DCUN1D2: variants seen among roughly 807,000 people sequenced by gnomAD.
DCUN1D2 encodes defective in cullin neddylation 1 domain containing 2.
In DCUN1D2, 29 loss-of-function variants were observed where a neutral mutation model predicts 30.9. That is an observed-to-expected ratio of 0.94 (90% CI 0.70 to 1.28). DCUN1D2 has a LOEUF of 1.28. DCUN1D2 is among the 50% of genes most tolerant of loss of function. The pLI is 0.00. For missense variants in DCUN1D2, 325 were observed against 316.9 expected (o/e 1.03, Z -0.19); for synonymous variants, 121 against 115.3 (o/e 1.05, Z -0.32).
At chr13:113,482,945 AAC>A (rs375385163) in intron 2 of DCUN1D2, among the ~76,000 whole-genome samples, 2 of 151,754 alleles carry the variant, frequency 1.3e-5, no homozygotes, top group African/African-American at 4.8e-5. Context: ...CCGTCACATA[AAC>A]ACACACACAC....
At chr13:113,479,846 G>T (rs141876874) in intron 3 of DCUN1D2, among the ~76,000 whole-genome samples, 1 of 152,278 alleles carries the variant, frequency 6.6e-6, no homozygotes, top group African/African-American at 2.4e-5. Context: ...AACTGGATGC[G>T]CTATGCTTTT....
intron 1 of DCUN1D2, among the ~76,000 whole-genome samples, chr13:113,487,741 C>T (rs1052572567): frequency 1.1e-4 from 16 of 152,068 alleles, no homozygotes; most frequent in African/African-American, 3.6e-4. Flanking sequence ...AGTTATCGTT[C>T]GGGGTGACAA....
At chr13:113,484,643 T>A (rs183584518) in intron 1 of DCUN1D2, among the ~76,000 whole-genome samples, 89 of 152,270 alleles carry the variant, frequency 5.8e-4, no homozygotes, top group African/African-American at 2.1e-3. Flanking sequence ...ATAACAAGAA[T>A]GCCTCTGTAT....
At chr13:113,490,894 C>T, upstream of DCUN1D2, 1 of 261,222 alleles carries the variant, frequency 3.8e-6, no homozygotes, top group Non-Finnish European at 6.9e-6. The surrounding 1 kb of genome is among the most constrained non-coding windows in gnomAD (Gnocchi z 5.2). Context: ...CTTGGCTCGC[C>T]CCTGCGGGGT....
Position 113,489,089 on chromosome 13 carries a change from C to A in DCUN1D2, c.3+1578G>T, listed in dbSNP as rs540405562. On this transcript the variant is annotated intron_variant, in intron 1 of 6. Transcript: ENST00000478244. ...TTAAAATGTCCTTAGGGTCAACTTA[C>A]CCGGGGCTGGCGGGCCAATCATGTT... The A allele has an allele frequency of 3.0e-6, 3 of 985,012 alleles. No individual in the cohort carries two copies. In the East Asian group the frequency reaches 3.4e-4, roughly 112 times the overall value. The allele number at this position is 985,012 out of a possible 1,614,324, so 61.0% of individuals were successfully genotyped here. A position where few individuals can be genotyped will look rare whatever the true frequency, so the allele number is the denominator to read the frequency against.
chr13:113,481,132 C>G (rs1031536061), intron 2 of DCUN1D2, among the ~76,000 whole-genome samples: 1 of 152,146 alleles, frequency 6.6e-6, no homozygotes, highest in Non-Finnish European at 1.5e-5. Context: ...TTTACAATAT[C>G]TTGAGTTTTT....
At chr13:113,460,613 C>A (rs1388395833) in intron 5 of DCUN1D2, among the ~76,000 whole-genome samples, 1 of 152,264 alleles carries the variant, frequency 6.6e-6, no homozygotes, top group Non-Finnish European at 1.5e-5. Flanking sequence ...CACAGACACA[C>A]ACAGAGGCTG....
chr13:113,457,208 CATAAA>C lies in DCUN1D2; in HGVS notation c.*816_*820del, dbSNP rs1337842651. 1.3e-5 allele frequency: 2 copies of C among 152,092 alleles called. No homozygotes were observed. The highest frequency in any genetic ancestry group is 4.8e-5 in the African/African-American group (2 of 41,396). 9.4% of individuals were successfully genotyped at this position (152,092 alleles called of 1,614,324 possible). On this transcript the variant is annotated 3_prime_UTR_variant, in exon 7 of 7. Transcript: ENST00000478244. ...ATTTTAAAATCTATAATTCATCACTCATAAAATAAATGTTTTTCATGGAAAAATGT... is the reference window on the plus strand; with the variant it reads ...ATTTTAAAATCTATAATTCATCACTCATAAATGTTTTTCATGGAAAAATGT...
chr13:113,462,200 C>T (rs181719396), intron 4 of DCUN1D2, among the ~76,000 whole-genome samples: 3,609 of 149,786 alleles, frequency 0.024, 96 homozygotes, highest in East Asian at 0.12. Context: ...TGTGGTGAGC[C>T]GAGATTGCGC....
chr13:113,473,012 ATCTC>A (rs1464042352), intron 4 of DCUN1D2, among the ~76,000 whole-genome samples: 2 of 59,204 alleles, frequency 3.4e-5, no homozygotes, highest in Non-Finnish European at 6.1e-5. Flanking sequence ...TCTGTCCCCC[ATCTC>A]TCTATCCCGT....
rs1366654757 is a variant in DCUN1D2 at position 113,457,874 on chromosome 13, G to A, written c.*155C>T. 3.3e-5 allele frequency: 24 copies of A among 717,016 alleles called. No individual in the cohort carries two copies. The highest frequency in any genetic ancestry group is 6.6e-5 in the Admixed American group (3 of 45,560). The allele number at this position is 717,016 out of a possible 1,614,324, so 44.4% of individuals were successfully genotyped here. A position where few individuals can be genotyped will look rare whatever the true frequency, so the allele number is the denominator to read the frequency against. On this transcript the variant is annotated 3_prime_UTR_variant, in exon 7 of 7. Coordinates refer to ENST00000478244, the MANE Select transcript of DCUN1D2 (RefSeq NM_001014283.2). ...TTCCTGCGGTGTCCACAAAGCAGCCGCTGGCTGTCCTCCGGCAGAATGGGA... is the reference window on the plus strand; with the variant it reads ...TTCCTGCGGTGTCCACAAAGCAGCCACTGGCTGTCCTCCGGCAGAATGGGA...
rs911652785 is a variant in DCUN1D2 at position 113,470,418 on chromosome 13, G to A, written c.520+3706C>T. On this transcript the variant is annotated intron_variant, in intron 4 of 6. Coordinates refer to ENST00000478244, the MANE Select transcript of DCUN1D2 (RefSeq NM_001014283.2). The stretch of plus-strand genomic sequence containing the variant: ...GGTAACAACTTCAGAAGAGGAAATG[G>A]TGAAAAAGGAAGATCATTTTTAAAA... Among the ~76,000 whole-genome samples the A allele has an allele frequency of 3.9e-5, 6 of 152,162 alleles. No homozygotes were observed. The South Asian group carries it at 1.2e-3, about 32-fold the overall frequency.
rs926343483 is a variant in DCUN1D2, at chr13:113,490,340, C to T, written c.3+327G>A. 2.8e-5 allele frequency: 7 copies of T among 254,216 alleles called. No homozygotes were observed. Among genetic ancestry groups the T allele is most frequent in the African/African-American group, 4.5e-5 (2 of 43,978 alleles). The allele number at this position is 254,216 out of a possible 1,614,324, so 15.7% of individuals were successfully genotyped here. A position where few individuals can be genotyped will look rare whatever the true frequency, so the allele number is the denominator to read the frequency against. On this transcript the variant is annotated intron_variant, in intron 1 of 6. Coordinates refer to ENST00000478244, the MANE Select transcript of DCUN1D2 (RefSeq NM_001014283.2). The surrounding 1 kb of genome is among the most constrained non-coding windows in gnomAD (Gnocchi z 5.2). ...CCGCCTCGACTGCCCGTTTCGAAGC[C>T]GCCCTGGGAAGCCCCCGGCCTGGGT...
At chr13:113,464,035 G>C (rs937977578) in intron 4 of DCUN1D2, among the ~76,000 whole-genome samples, 1 of 152,076 alleles carries the variant, frequency 6.6e-6, no homozygotes, top group Non-Finnish European at 1.5e-5. Flanking sequence ...TACTCTTCTT[G>C]CTTTATTTCT....
Position 113,457,987 on chromosome 13 carries a change from A to C in DCUN1D2, c.*42T>G. 2 of 1,562,992 alleles carry C rather than the reference A, an allele frequency of 1.3e-6. No homozygotes were observed. Among genetic ancestry groups the C allele is most frequent in the Non-Finnish European group, 8.8e-7 (1 of 1,133,496 alleles). ...GAACTGACTGCAATCTCCTTGCAGGATACAAATCATTTCATAATCTTACTC... is the reference window on the plus strand; with the variant it reads ...GAACTGACTGCAATCTCCTTGCAGGCTACAAATCATTTCATAATCTTACTC... On this transcript the variant is annotated 3_prime_UTR_variant, in exon 7 of 7. Coordinates refer to ENST00000478244, the MANE Select transcript of DCUN1D2 (RefSeq NM_001014283.2).
In DCUN1D2 at chr13:113,455,875, C is replaced by CA. The variant is rs1424106579; in HGVS notation, c.*2153dup. The CA allele has an allele frequency of 3.9e-5, 8 of 204,018 alleles. No homozygotes were observed. The South Asian group carries it at 5.7e-4, about 15-fold the overall frequency. 12.6% of individuals were successfully genotyped at this position (204,018 alleles called of 1,614,324 possible). A position where few individuals can be genotyped will look rare whatever the true frequency, so the allele number is the denominator to read the frequency against. On this transcript the variant is annotated 3_prime_UTR_variant, in exon 7 of 7. Coordinates refer to ENST00000478244, the MANE Select transcript of DCUN1D2 (RefSeq NM_001014283.2). ...TCAGCATTTCACAGCATGCAGGACT[C>CA]AAATGGATACAACAGAAGAAAAAAA...
intron 1 of DCUN1D2, 165 bp from the exon 2 acceptor site, chr13:113,484,221 A>G (rs1005901322): frequency 1.4e-6 from 2 of 1,415,496 alleles, no homozygotes; most frequent in Non-Finnish European, 1.8e-6. Context: ...AACAGCATCT[A>G]TACTGTAACA....
In DCUN1D2 at chr13:113,490,702, G is replaced by C; in HGVS notation, c.-33C>G. 8.2e-7 allele frequency: 1 copy of C among 1,214,824 alleles called. No homozygotes were observed. 75.3% of individuals were successfully genotyped at this position (1,214,824 alleles called of 1,614,324 possible). ...GCGCCGCCCGCTTCTGGCCGGCCCC[G>C]GCCTTCTGCGCAGGCGCGGCGGCGG... On this transcript the variant is annotated 5_prime_UTR_variant, in exon 1 of 7. Transcript: ENST00000478244. The surrounding 1 kb of genome is among the most constrained non-coding windows in gnomAD (Gnocchi z 5.2).
chr13:113,475,071 C>T (rs2044590620), intron 3 of DCUN1D2, among the ~76,000 whole-genome samples: 1 of 152,176 alleles, frequency 6.6e-6, no homozygotes, highest in Non-Finnish European at 1.5e-5. Context: ...ATAAAAGCAA[C>T]ACTTACTCAA....
Sources: allele counts gnomAD v4.1 joint callset (sites outside exome capture counted in the v4.1 genomes callset), GRCh38; gene constraint gnomAD v4.1.1; non-coding constraint Gnocchi (gnomAD v3.1); transcripts MANE v1.5; gene names NCBI Gene and HGNC (gene_info 2026-07-23, HGNC 2026-07-21).